Variants in KIAA1586 observed in about 807,000 individuals in gnomAD.
KIAA1586 encodes the protein E3 SUMO-protein ligase KIAA1586.
Under a neutral mutation model 6.1 loss-of-function variants are expected in KIAA1586, and 5 were observed. That is an observed-to-expected ratio of 0.82 (90% confidence interval 0.43 to 1.73). KIAA1586 has a LOEUF of 1.73. KIAA1586 is among the 40% of genes most tolerant of loss of function. KIAA1586 has a pLI of 0.02. For synonymous variants in KIAA1586, 280 were observed against 301.7 expected, an observed-to-expected ratio of 0.93 and a Z score of 0.75; for missense variants, 899 against 878.2, an observed-to-expected ratio of 1.02 and a Z score of -0.30.
rs1828438367 is a variant in KIAA1586, at chr6:57,054,313, T to C, written c.1814T>C (p.Ile605Thr). Residue 605 changes from isoleucine to threonine, a missense_variant, in exon 4 of 4, where the codon ATA becomes ACA. Physicochemically the swap from Ile to Thr is moderately conservative, Grantham distance 89. Coordinates refer to ENST00000370733, the MANE Select transcript of KIAA1586 (RefSeq NM_020931.4). ...NNKFNALPRS[I>T]LLDNIIQHMN... ...AAATTTAATGCTCTTCCTAGGAGTA[T>C]ATTACTAGACAATATAATTCAGCAC... is the stretch of plus-strand genomic sequence containing the variant. The C allele has an allele frequency of 6.3e-7, 1 of 1,586,680 alleles. No individual in the cohort carries two copies. Among genetic ancestry groups the C allele is most frequent in the Admixed American group, 1.9e-5 (1 of 52,676 alleles).
chr6:57,058,258 A>G (rs1476201634), downstream of KIAA1586, among the ~76,000 whole-genome samples: 1 of 152,176 alleles, frequency 6.6e-6, no homozygotes, highest in African/African-American at 2.4e-5. Context: ...TTATTTCTTC[A>G]TTCCACTAAA....
rs370544740 is a variant in KIAA1586 at position 57,053,807 on chromosome 6, A to G, written c.1308A>G (p.Gln436=). Residue 436 remains glutamine (Q), a synonymous_variant, in exon 4 of 4, where the codon CAA becomes CAG. Coordinates refer to ENST00000370733, the MANE Select transcript of KIAA1586 (RefSeq NM_020931.4). Reference sequence around the variant, plus strand: ...ATGATTCTATATCCGAAATAAAACAAATTAATCATTTAAAAATATTTATTG... The same window carrying G: ...ATGATTCTATATCCGAAATAAAACAGATTAATCATTTAAAAATATTTATTG... The part of the protein sequence containing the change: ...SLDDSISEIK[Q]INHLKIFIDK... The G allele has an allele frequency of 6.8e-5, 103 of 1,517,650 alleles. No homozygotes were observed. Among genetic ancestry groups the G allele is most frequent in the Non-Finnish European group, 8.6e-5 (97 of 1,122,780 alleles). 94.0% of individuals were successfully genotyped at this position (1,517,650 alleles called of 1,614,324 possible). A position where few individuals can be genotyped will look rare whatever the true frequency, so the allele number is the denominator to read the frequency against.
the KIAA1586 span, among the ~76,000 whole-genome samples, chr6:57,062,012 A>G: frequency 2.0e-5 from 3 of 151,178 alleles, no homozygotes; most frequent in African/African-American, 7.3e-5. Flanking sequence ...GCTTACTGCA[A>G]CCTCCACCAC....
Position 57,053,233 on chromosome 6 carries a change from C to T in KIAA1586, c.734C>T (p.Ala245Val). 1 of 1,597,844 alleles carries T rather than the reference C, an allele frequency of 6.3e-7. No individual in the cohort carries two copies. Among genetic ancestry groups the T allele is most frequent in the Non-Finnish European group, 8.5e-7 (1 of 1,173,820 alleles). The change falls in exon 4 of 4, where the codon GCT (alanine) becomes GTT (valine). Residue 245 changes from alanine (A) to valine (V), a missense_variant. Transcript: ENST00000370733. Reference sequence around the variant, plus strand: ...AAACAAAATAATAAAAATATTGATGCTACTGTAAAAGTTTTCAATACTGTT... The same window carrying T: ...AAACAAAATAATAAAAATATTGATGTTACTGTAAAAGTTTTCAATACTGTT... ...VHKQNNKNID[A>V]TVKVFNTVYS...
rs1304946690 is a variant in KIAA1586 at position 57,055,222 on chromosome 6, G to A, written c.*359G>A. On this transcript the variant is annotated 3_prime_UTR_variant, in exon 4 of 4. Coordinates refer to ENST00000370733, the MANE Select transcript of KIAA1586 (RefSeq NM_020931.4). ...ATAAAAGAGAAATGGAATAAAAACT[G>A]TAAGCCTTTTGGCTCTTGTCTTTCT... The A allele has an allele frequency of 6.4e-6, 1 of 156,248 alleles. No homozygotes were observed. Among genetic ancestry groups the A allele is most frequent in the Non-Finnish European group, 1.4e-5 (1 of 71,448 alleles). The allele number at this position is 156,248 out of a possible 1,614,324, so 9.7% of individuals were successfully genotyped here.
In KIAA1586 at chr6:57,053,330, A is replaced by G; in HGVS notation, c.831A>G (p.Gly277=). 6.2e-7 allele frequency: 1 copy of G among 1,612,288 alleles called. No individual in the cohort carries two copies. Among genetic ancestry groups the G allele is most frequent in the Non-Finnish European group, 8.5e-7 (1 of 1,178,838 alleles). Residue 277 remains glycine (G), a synonymous_variant, in exon 4 of 4, where the codon GGA becomes GGG. Transcript: ENST00000370733. ...EGARELQEKN[G]EVNCLNTRYS... ...CAAGAGAATTACAGGAAAAAAATGGAGAGGTAAATTGTTTAAATACACGTT... is the reference window on the plus strand; with the variant it reads ...CAAGAGAATTACAGGAAAAAAATGGGGAGGTAAATTGTTTAAATACACGTT...
chr6:57,054,715 TG>T lies in KIAA1586; in HGVS notation c.2220del (p.Glu742AsnfsTer2). On this transcript the variant is annotated frameshift_variant, in exon 4 of 4. Coordinates refer to ENST00000370733, the MANE Select transcript of KIAA1586 (RefSeq NM_020931.4). LOFTEE classifies it high-confidence loss of function. The part of the protein sequence containing the change: ...HVSDLMTINL[L>X]GKELADWDAT... ...TCAGATTTAATGACAATAAATTTAC[TG>T]GGGAAAGAATTAGCAGATTGGGATG... 6.4e-7 allele frequency: 1 copy of T among 1,551,590 alleles called. No individual in the cohort carries two copies. The highest frequency in any genetic ancestry group is 8.7e-7 in the Non-Finnish European group (1 of 1,146,868).
rs757287899 is a variant in KIAA1586 at position 57,052,792 on chromosome 6, G to A, written c.293G>A (p.Cys98Tyr). Reference sequence around the variant, plus strand: ...AATAATGAAGTGAGCAAAAATCACTGCAGATTGTCTAAGGCAAAGGAACCA... The same window carrying A: ...AATAATGAAGTGAGCAAAAATCACTACAGATTGTCTAAGGCAAAGGAACCA... ...TENNEVSKNH[C>Y]RLSKAKEPHF... The change falls in exon 4 of 4, where the codon TGC becomes TAC. Residue 98 changes from cysteine to tyrosine, a missense_variant. Physicochemically the swap from Cys to Tyr is radical, Grantham distance 194. Transcript: ENST00000370733. The A allele has an allele frequency of 3.7e-6, 6 of 1,613,130 alleles. No individual in the cohort carries two copies. The South Asian group carries it at 5.5e-5, about 15-fold the overall frequency.
chr6:57,060,399 G>T, the KIAA1586 span, among the ~76,000 whole-genome samples: 6 of 152,164 alleles, frequency 3.9e-5, no homozygotes, highest in Admixed American at 6.5e-5. Context: ...TGTCAGCATG[G>T]CCATACTCAC....
chr6:57,063,510 G>A, the KIAA1586 span, among the ~76,000 whole-genome samples: 1 of 125,944 alleles, frequency 7.9e-6, no homozygotes, highest in Non-Finnish European at 1.6e-5. Context: ...CTGGAGTGCA[G>A]TGGCACAATC....
chr6:57,052,668 T>A lies in KIAA1586; in HGVS notation c.187-18T>A, dbSNP rs780123680. The A allele has an allele frequency of 6.6e-7, 1 of 1,520,262 alleles. No homozygotes were observed. Among genetic ancestry groups the A allele is most frequent in the African/African-American group, 1.4e-5 (1 of 71,746 alleles). The allele number at this position is 1,520,262 out of a possible 1,614,324, so 94.2% of individuals were successfully genotyped here. A position where few individuals can be genotyped will look rare whatever the true frequency, so the allele number is the denominator to read the frequency against. On this transcript the variant is annotated intron_variant, in intron 3 of 3. Coordinates refer to ENST00000370733, the MANE Select transcript of KIAA1586 (RefSeq NM_020931.4). ...AAGTGTTATGAATTTTACTTACATATGTAAAATTATTTTTCAGATTCTGTT... is the reference window on the plus strand; with the variant it reads ...AAGTGTTATGAATTTTACTTACATAAGTAAAATTATTTTTCAGATTCTGTT...
downstream of KIAA1586, among the ~76,000 whole-genome samples, chr6:57,058,860 C>T (rs542116618): frequency 2.0e-5 from 3 of 152,214 alleles, no homozygotes; most frequent in Admixed American, 6.5e-5. Flanking sequence ...TCAGTAACTC[C>T]GAAGTCAGTG....
the KIAA1586 span, among the ~76,000 whole-genome samples, chr6:57,066,895 C>T: frequency 6.6e-6 from 1 of 152,144 alleles, no homozygotes; most frequent in African/African-American, 2.4e-5. Flanking sequence ...TACTTCTCCA[C>T]CTACTTTTGT....
downstream of KIAA1586, among the ~76,000 whole-genome samples, chr6:57,055,498 A>C (rs1393942044): frequency 6.6e-6 from 1 of 151,990 alleles, no homozygotes; most frequent in Non-Finnish European, 1.5e-5. Context: ...ATATAAACAT[A>C]TTGCTGATAG....
chr6:57,065,591 A>G, the KIAA1586 span, among the ~76,000 whole-genome samples: 2 of 151,728 alleles, frequency 1.3e-5, no homozygotes, highest in Non-Finnish European at 2.9e-5. Flanking sequence ...GGCTCAAGCA[A>G]TCCTCCCACC....
At chr6:57,047,869 G>A (rs965704678) in intron 2 of KIAA1586, among the ~76,000 whole-genome samples, 3 of 120,038 alleles carry the variant, frequency 2.5e-5, no homozygotes, top group South Asian at 6.6e-4. Context: ...TACAGTTGAT[G>A]CTCATAATGA....
chr6:57,054,579 A>G lies in KIAA1586; in HGVS notation c.2080A>G (p.Lys694Glu), dbSNP rs1215681297. The change falls in exon 4 of 4, where the codon AAA becomes GAA. Residue 694 changes from lysine (K) to glutamate (E), a missense_variant. Coordinates refer to ENST00000370733, the MANE Select transcript of KIAA1586 (RefSeq NM_020931.4). ...VSIPTTIYKA[K>E]KIVSTIAINS... ...AATTCCTACAACTATATACAAAGCT[A>G]AAAAGATAGTTAGCACCATTGCAAT... The G allele has an allele frequency of 4.4e-6, 7 of 1,608,238 alleles. No individual in the cohort carries two copies. In the East Asian group the frequency reaches 6.7e-5, roughly 15 times the overall value.
At chr6:57,058,203 A>T (rs1332772289), downstream of KIAA1586, among the ~76,000 whole-genome samples, 1 of 152,206 alleles carries the variant, frequency 6.6e-6, no homozygotes, top group Non-Finnish European at 1.5e-5. Flanking sequence ...TAGGTTAAAA[A>T]AAATTAGATT....
In KIAA1586 at chr6:57,054,875, C is replaced by T. The variant is rs370720955; in HGVS notation, c.*12C>T. On this transcript the variant is annotated 3_prime_UTR_variant, in exon 4 of 4. Coordinates refer to ENST00000370733, the MANE Select transcript of KIAA1586 (RefSeq NM_020931.4). ...GGAACTTAAAATAGAATATTGTATA[C>T]GTTTTTTGTCATCTGTAAATTATGT... is the stretch of plus-strand genomic sequence containing the variant. The T allele has an allele frequency of 1.9e-4, 285 of 1,523,962 alleles. No homozygotes were observed. Among genetic ancestry groups the T allele is most frequent in the African/African-American group, 9.6e-4 (69 of 71,640 alleles). The allele number at this position is 1,523,962 out of a possible 1,614,324, so 94.4% of individuals were successfully genotyped here. A position where few individuals can be genotyped will look rare whatever the true frequency, so the allele number is the denominator to read the frequency against.
Sources: gnomAD v4.1 joint callset for allele counts (sites outside exome capture counted in the v4.1 genomes callset) on GRCh38, gnomAD v4.1.1 for gene constraint, MANE v1.5 for transcripts, NCBI Gene and HGNC (gene_info 2026-07-23, HGNC 2026-07-21) for gene names.